Variants in COL25A1 observed in about 807,000 individuals in gnomAD.
The protein encoded by COL25A1 is collagen type XXV alpha 1 chain, also known as collagen alpha-1(XXV) chain.
A neutral mutation model predicts 128.4 loss-of-function variants in COL25A1; 103 were observed. The observed-to-expected ratio is 0.80, with a 90% CI of 0.68 to 0.94. The LOEUF (loss-of-function observed/expected upper bound fraction) is 0.94, where lower values mean the gene tolerates loss of function less well. COL25A1 is among the 40% of genes least tolerant of loss of function. The pLI is 0.00. For synonymous variants in COL25A1, 279 were observed against 277.2 expected, an observed-to-expected ratio of 1.01 and a Z score of -0.06; for missense variants, 745 against 840.0, an observed-to-expected ratio of 0.89 and a Z score of 1.40.
At chr4:109,166,159 G>A (rs1274812724) in intron 3 of COL25A1, among the ~76,000 whole-genome samples, 2 of 152,152 alleles carry the variant, frequency 1.3e-5, no homozygotes, top group Admixed American at 1.3e-4. Flanking sequence ...GTGAGTGAAA[G>A]TGTGTGTATT....
At chr4:109,280,933 T>C (rs1723320546) in intron 3 of COL25A1, among the ~76,000 whole-genome samples, 1 of 152,066 alleles carries the variant, frequency 6.6e-6, no homozygotes, top group African/African-American at 2.4e-5. Flanking sequence ...AATGGTAAAG[T>C]GTCATAATAT....
At chr4:109,082,189 T>G (rs1485532818) in intron 3 of COL25A1, among the ~76,000 whole-genome samples, 10 of 152,238 alleles carry the variant, frequency 6.6e-5, no homozygotes, top group Admixed American at 5.9e-4. Context: ...AATACAAATT[T>G]TCTTCATCCA....
intron 3 of COL25A1, among the ~76,000 whole-genome samples, chr4:109,295,551 C>G (rs1724893629): frequency 2.0e-5 from 3 of 152,096 alleles, no homozygotes; most frequent in African/African-American, 7.2e-5. Flanking sequence ...ACTTGATGCA[C>G]TCTTTCCATA....
intron 3 of COL25A1, among the ~76,000 whole-genome samples, chr4:109,102,371 G>A (rs1579371095): frequency 6.6e-6 from 1 of 151,958 alleles, no homozygotes; most frequent in East Asian, 1.9e-4. Context: ...GATATTTCCT[G>A]TATGGTATCA....
rs1168163165 is a variant in COL25A1, at chr4:109,302,310, G to A, written c.-198C>T. 7.6e-6 allele frequency: 3 copies of A among 394,882 alleles called. No individual in the cohort carries two copies. The highest frequency in any genetic ancestry group is 1.4e-5 in the Non-Finnish European group (3 of 221,428). 24.5% of individuals were successfully genotyped at this position (394,882 alleles called of 1,614,324 possible). A position where few individuals can be genotyped will look rare whatever the true frequency, so the allele number is the denominator to read the frequency against. On this transcript the variant is annotated 5_prime_UTR_variant, in exon 1 of 38. Coordinates refer to ENST00000399132, the MANE Select transcript of COL25A1 (RefSeq NM_198721.4). ...AAGCAAGACGAAACCCACCCAGACA[G>A]CTCTTCCGACTCCCAGAGGACCGAC...
chr4:109,263,645 C>A (rs1198448615), intron 3 of COL25A1, among the ~76,000 whole-genome samples: 3 of 152,176 alleles, frequency 2.0e-5, no homozygotes, highest in Non-Finnish European at 4.4e-5. Flanking sequence ...AAGGACAGAA[C>A]AATAAACTGA....
At chr4:109,011,312 G>C (rs187766669) in intron 5 of COL25A1, among the ~76,000 whole-genome samples, 1 of 152,162 alleles carries the variant, frequency 6.6e-6, no homozygotes, top group Non-Finnish European at 1.5e-5. Flanking sequence ...AGAAGGCCCA[G>C]GAACTGTCTC....
At chr4:109,300,319 G>A (rs1355528133) in intron 3 of COL25A1, among the ~76,000 whole-genome samples, 1 of 152,138 alleles carries the variant, frequency 6.6e-6, no homozygotes, top group Non-Finnish European at 1.5e-5. Context: ...AATCTAAGAA[G>A]TTTGTCCTTG....
At chr4:109,025,461 T>C (rs539185224) in intron 5 of COL25A1, among the ~76,000 whole-genome samples, 6 of 152,342 alleles carry the variant, frequency 3.9e-5, no homozygotes, top group East Asian at 3.9e-4. Context: ...TAAATTTATA[T>C]GTGCCCAATT....
chr4:108,958,520 CCAA>C (rs1750322937), intron 8 of COL25A1, among the ~76,000 whole-genome samples: 1 of 151,778 alleles, frequency 6.6e-6, no homozygotes, highest in South Asian at 2.1e-4. Flanking sequence ...AGGTAATAAA[CCAA>C]CATTTTTTTA....
At chr4:109,084,393 A>G (rs1764174015) in intron 3 of COL25A1, among the ~76,000 whole-genome samples, 1 of 152,236 alleles carries the variant, frequency 6.6e-6, no homozygotes, top group Non-Finnish European at 1.5e-5. Flanking sequence ...CTAAAACTGT[A>G]ATGAAGGAAG....
chr4:109,135,760 T>C (rs576491118), intron 3 of COL25A1, among the ~76,000 whole-genome samples: 37 of 152,280 alleles, frequency 2.4e-4, no homozygotes, highest in African/African-American at 8.4e-4. Context: ...AATAAAGTTA[T>C]ATAAAACAGA....
intron 15 of COL25A1, among the ~76,000 whole-genome samples, chr4:108,897,553 C>A (rs1396110062): frequency 6.6e-6 from 1 of 152,160 alleles, no homozygotes; most frequent in Non-Finnish European, 1.5e-5. Flanking sequence ...CAGGTTTCTC[C>A]TGTGCAATGT....
chr4:109,261,776 C>A (rs182116579), intron 3 of COL25A1, among the ~76,000 whole-genome samples: 1 of 151,554 alleles, frequency 6.6e-6, no homozygotes, highest in Non-Finnish European at 1.5e-5. Flanking sequence ...CGGCTCACTG[C>A]GAGCTCCACC....
At chr4:109,051,648 C>CACACACACAG (rs33959198) in intron 3 of COL25A1, among the ~76,000 whole-genome samples, 82 of 142,490 alleles carry the variant, frequency 5.8e-4, no homozygotes, top group African/African-American at 1.8e-3. Context: ...CACACACACA[C>CACACACACAG]AGACATAATC....
chr4:109,015,192 G>C (rs555074037), intron 5 of COL25A1, among the ~76,000 whole-genome samples: 1 of 152,306 alleles, frequency 6.6e-6, no homozygotes, highest in East Asian at 1.9e-4. Context: ...TAATCAAAAA[G>C]AAACACCTCA....
intron 6 of COL25A1, among the ~76,000 whole-genome samples, chr4:108,991,507 T>C (rs1489062149): frequency 6.6e-6 from 1 of 152,218 alleles, no homozygotes; most frequent in Non-Finnish European, 1.5e-5. Context: ...TTAAGACTTT[T>C]ATTATCATTC....
At chr4:109,024,983 G>A (rs1758118716) in intron 5 of COL25A1, among the ~76,000 whole-genome samples, 1 of 152,176 alleles carries the variant, frequency 6.6e-6, no homozygotes, top group Non-Finnish European at 1.5e-5. Flanking sequence ...CACATCAACT[G>A]GGGATCCCTG....
intron 3 of COL25A1, among the ~76,000 whole-genome samples, chr4:109,145,908 T>C (rs1301167771): frequency 6.6e-6 from 1 of 152,160 alleles, no homozygotes; most frequent in African/African-American, 2.4e-5. Flanking sequence ...CTTGGATATA[T>C]CTCCAAATAT....
Sources: gnomAD v4.1 joint callset for allele counts (sites outside exome capture counted in the v4.1 genomes callset) on GRCh38, gnomAD v4.1.1 for gene constraint, MANE v1.5 for transcripts, NCBI Gene and HGNC (gene_info 2026-07-23, HGNC 2026-07-21) for gene names.